SYNC: variants seen among roughly 807,000 people sequenced by gnomAD.
The protein encoded by SYNC is syncoilin.
Under a neutral mutation model 49.5 loss-of-function variants are expected in SYNC, and 38 were observed. The ratio of observed to expected loss-of-function variants is 0.77; its 90% CI spans 0.59 to 1.01. The LOEUF is 1.01. Among genes scored for constraint, SYNC ranks in the 50% least tolerant of loss-of-function variants. The pLI is 0.00. For missense variants in SYNC, 579 were observed against 580.6 expected, an observed-to-expected ratio of 1.00 and a Z score of 0.03; for synonymous variants, 201 against 230.8, an observed-to-expected ratio of 0.87 and a Z score of 1.17.
At chr1:32,684,613 G>T in intron 2 of SYNC, 1 of 535,582 alleles carries the variant, frequency 1.9e-6, no homozygotes, top group Non-Finnish European at 3.2e-6. Context: ...GTTAACCACA[G>T]CTTGCTTTAA....
chr1:32,699,056 A>C (rs1217357019), intron 1 of SYNC, among the ~76,000 whole-genome samples: 1 of 151,458 alleles, frequency 6.6e-6, no homozygotes, highest in East Asian at 1.9e-4. Context: ...CTGGGATTAC[A>C]GGCATGAGCC....
At chr1:32,699,891 C>G (rs1042127339) in intron 1 of SYNC, among the ~76,000 whole-genome samples, 19 of 151,908 alleles carry the variant, frequency 1.3e-4, no homozygotes, top group Admixed American at 1.1e-3. Flanking sequence ...CACCACCATG[C>G]CTGGCTAATT....
chr1:32,698,501 A>G (rs1650536153), intron 1 of SYNC, among the ~76,000 whole-genome samples: 1 of 152,180 alleles, frequency 6.6e-6, no homozygotes, highest in South Asian at 2.1e-4. Flanking sequence ...CCTGGGCAAC[A>G]AAACCAAACT....
chr1:32,691,963 G>A (rs947706552), intron 2 of SYNC, among the ~76,000 whole-genome samples: 1 of 152,160 alleles, frequency 6.6e-6, no homozygotes, highest in Admixed American at 6.6e-5. Flanking sequence ...GCCGGGCGCA[G>A]TGGCTCATGC....
chr1:32,684,563 C>A, intron 2 of SYNC, 181 bp from the exon 3 acceptor site: 1 of 861,494 alleles, frequency 1.2e-6, no homozygotes, highest in Non-Finnish European at 1.7e-6. Context: ...AAAAAAGTGA[C>A]AATGCTTTTG....
At chr1:32,692,894 A>C (rs959041672) in intron 2 of SYNC, among the ~76,000 whole-genome samples, 1 of 151,486 alleles carries the variant, frequency 6.6e-6, no homozygotes, top group East Asian at 2.0e-4. Context: ...AGTCCCAGCA[A>C]CTCAGGAGGC....
At chr1:32,701,207 G>A (rs750083159) in intron 1 of SYNC, among the ~76,000 whole-genome samples, 28 of 152,080 alleles carry the variant, frequency 1.8e-4, no homozygotes, top group African/African-American at 5.8e-4. Flanking sequence ...GAGCCACCGC[G>A]CCGGGCCCAC....
At chr1:32,682,038 G>C in intron 4 of SYNC, 178 bp from the exon 5 acceptor site, 1 of 593,810 alleles carries the variant, frequency 1.7e-6, no homozygotes, top group Non-Finnish European at 3.0e-6. Flanking sequence ...GGTGATGGGA[G>C]GGATAGTTAA....
At chr1:32,693,994 T>C (rs1650287157) in intron 2 of SYNC, among the ~76,000 whole-genome samples, 1 of 152,056 alleles carries the variant, frequency 6.6e-6, no homozygotes, top group Non-Finnish European at 1.5e-5. Flanking sequence ...CCTAGCTCTT[T>C]GGGAGGCCAA....
intron 2 of SYNC, among the ~76,000 whole-genome samples, chr1:32,687,447 T>C (rs785687): frequency 0.97 from 147,358 of 151,418 alleles, 71,828 homozygotes; most frequent in South Asian, 1. Context: ...GAGGCCAAGG[T>C]GGATCACGAG....
chr1:32,695,975 C>G lies in SYNC; in HGVS notation c.123G>C (p.Leu41Phe). 2 of 1,544,020 alleles carry G rather than the reference C, an allele frequency of 1.3e-6. No homozygotes were observed. The highest frequency in any genetic ancestry group is 1.4e-5 in the African/African-American group (1 of 73,166). The change falls in exon 2 of 5, where the codon TTG becomes TTC. Residue 41 changes from leucine (L) to phenylalanine (F), a missense_variant. Physicochemically the swap from Leu to Phe is conservative, Grantham distance 22. Transcript: ENST00000409190. ...NSGSLNEAEA[L>F]NPEVTLSSEG... is the part of the protein sequence containing the mutation. ...CTGAAGATAGAGTAACTTCTGGGTT[C>G]AAGGCTTCTGCCTCATTTAGGGATC...
rs140496513 is a variant in SYNC, at chr1:32,694,611, A to C, written c.1233+254T>G. On this transcript the variant is annotated intron_variant, in intron 2 of 4. Transcript: ENST00000409190. ...AGAGCTTGTAGTGAGCTGAGATCGC[A>C]CCACTGCACTCTAGCCTGGGCGACA... Among the ~76,000 whole-genome samples the C allele has an allele frequency of 7.2e-3, 1,090 of 151,590 alleles. 14 individuals are homozygous for C. The highest frequency in any genetic ancestry group is 0.025 in the African/African-American group (1,019 of 41,310).
chr1:32,681,500 A>G lies in SYNC; in HGVS notation c.*350T>C. 1 of 284,168 alleles carries G rather than the reference A, an allele frequency of 3.5e-6. No individual in the cohort carries two copies. Among genetic ancestry groups the G allele is most frequent in the Non-Finnish European group, 6.5e-6 (1 of 153,738 alleles). The allele number at this position is 284,168 out of a possible 1,614,324, so 17.6% of individuals were successfully genotyped here. ...TTTGGGTCAACACAAGGCAAGATAC[A>G]TTCTTTAAAATACTCCCAGATGTGT... On this transcript the variant is annotated 3_prime_UTR_variant, in exon 5 of 5. Coordinates refer to ENST00000409190, the MANE Select transcript of SYNC (RefSeq NM_030786.3).
chr1:32,687,857 T>TATTATTATTATTATTATTTC lies in SYNC; in HGVS notation c.1234-3476_1234-3475insGAAATAATAATAATAATAAT, dbSNP rs1203070085. ...GAATTATTATTATTATTATTATTAT[T>TATTATTATTATTATTATTTC]ATTATTTTTTGAGATGGAGTCTTGC... is the stretch of plus-strand genomic sequence containing the variant. On this transcript the variant is annotated intron_variant, in intron 2 of 4. Transcript: ENST00000409190. Among the ~76,000 whole-genome samples the TATTATTATTATTATTATTTC allele has an allele frequency of 4.2e-4, 62 of 146,558 alleles. 1 individual carries two copies. In the Middle Eastern group the frequency reaches 0.014, roughly 34 times the overall value.
At chr1:32,694,359 A>G (rs1383214732) in intron 2 of SYNC, among the ~76,000 whole-genome samples, 3 of 151,216 alleles carry the variant, frequency 2.0e-5, no homozygotes, top group African/African-American at 7.3e-5. Flanking sequence ...TGTCGCAAAA[A>G]AAACAGAGTG....
At position 32,683,990 on chromosome 1, in the gene SYNC, C is replaced by A; in HGVS notation, c.1438+20G>T. On this transcript the variant is annotated intron_variant, in intron 4 of 4. Coordinates refer to ENST00000409190, the MANE Select transcript of SYNC (RefSeq NM_030786.3). ...AAGCAGTAACAATGCAAACACCACT[C>A]TTCTCTTCACAAAGATCACCTTGAG... 2 of 1,596,560 alleles carry A rather than the reference C, an allele frequency of 1.3e-6. No individual in the cohort carries two copies. The highest frequency in any genetic ancestry group is 8.6e-7 in the Non-Finnish European group (1 of 1,165,296).
At chr1:32,687,413 A>C (rs1231891180) in intron 2 of SYNC, among the ~76,000 whole-genome samples, 1 of 150,442 alleles carries the variant, frequency 6.6e-6, no homozygotes, top group Non-Finnish European at 1.5e-5. Flanking sequence ...ACGGTGGTTC[A>C]CGCCTGTAAT....
At position 32,680,376 on chromosome 1, in the gene SYNC, T is replaced by TTA; in HGVS notation, c.*1473_*1474insTA. 2.7e-6 allele frequency: 3 copies of TTA among 1,129,072 alleles called. No individual in the cohort carries two copies. Among genetic ancestry groups the TTA allele is most frequent in the African/African-American group, 1.7e-5 (1 of 60,300 alleles). The allele number at this position is 1,129,072 out of a possible 1,614,324, so 69.9% of individuals were successfully genotyped here. A position where few individuals can be genotyped will look rare whatever the true frequency, so the allele number is the denominator to read the frequency against. On this transcript the variant is annotated 3_prime_UTR_variant, in exon 5 of 5. Transcript: ENST00000409190. ...TTGTTGGTTTTTTTTTTTTTTTTTT[T>TTA]AACTTGGGACCACCAAGTTGTAAAG...
intron 1 of SYNC, among the ~76,000 whole-genome samples, chr1:32,698,941 C>T (rs1036557165): frequency 4.0e-5 from 6 of 151,274 alleles, no homozygotes; most frequent in Admixed American, 6.6e-5. Context: ...GCGCCACACC[C>T]GCTAATTTTT....
Sources: gnomAD v4.1 joint callset for allele counts (sites outside exome capture counted in the v4.1 genomes callset) on GRCh38, gnomAD v4.1.1 for gene constraint, MANE v1.5 for transcripts, NCBI Gene and HGNC (gene_info 2026-07-23, HGNC 2026-07-21) for gene names.